The following TFB1M variants were observed in gnomAD, a reference collection of about 807,000 sequenced individuals.
The protein encoded by TFB1M is transcription factor B1, mitochondrial.
A neutral mutation model predicts 31.1 loss-of-function variants in TFB1M; 27 were observed. That is an observed-to-expected ratio of 0.87 (90% CI 0.64 to 1.20). The LOEUF (loss-of-function observed/expected upper bound fraction) is 1.20. TFB1M is among the 50% of genes most tolerant of loss of function. The pLI is 0.00. For missense variants in TFB1M, 394 were observed against 418.7 expected (o/e 0.94, Z 0.51); for synonymous variants, 166 against 151.8 (o/e 1.09, Z -0.69).
At position 155,311,329 on chromosome 6, in the gene TFB1M, T is replaced by C. The variant is rs1163068909; in HGVS notation, c.144A>G (p.Val48=). ...LLDLRLTDKI[V]RKAGNLTNAY... is the part of the protein sequence containing the mutation. ...CATTTGTCAGATTGCCAGCTTTCCTTACAATCTTATCTAGAGGAAAAAGAG... is the reference window on the plus strand; with the variant it reads ...CATTTGTCAGATTGCCAGCTTTCCTCACAATCTTATCTAGAGGAAAAAGAG... The change falls in exon 2 of 7, where the codon GTA becomes GTG. Residue 48 remains valine, a synonymous_variant. Transcript: ENST00000367166. The C allele has an allele frequency of 3.7e-6, 6 of 1,613,772 alleles. No individual in the cohort carries two copies. Among genetic ancestry groups the C allele is most frequent in the Non-Finnish European group, 5.1e-6 (6 of 1,179,774 alleles).
intron 2 of TFB1M, among the ~76,000 whole-genome samples, chr6:155,306,957 A>C (rs939272642): frequency 3.3e-5 from 5 of 152,078 alleles, no homozygotes; most frequent in Admixed American, 6.5e-5. Context: ...CCATTTCTAC[A>C]AAAAAATACA....
chr6:155,305,548 AATATATATTAAATTATATATTTAT>A (rs1562425608), intron 2 of TFB1M, among the ~76,000 whole-genome samples: 3 of 50,584 alleles, frequency 5.9e-5, no homozygotes, highest in Non-Finnish European at 9.0e-5. Flanking sequence ...TATATATATA[AATATATATTAAATTATATATTTAT>A]ATATATATTA....
intron 4 of TFB1M, among the ~76,000 whole-genome samples, chr6:155,288,341 C>A (rs890409320): frequency 6.6e-6 from 1 of 152,104 alleles, no homozygotes; most frequent in Non-Finnish European, 1.5e-5. Flanking sequence ...AAAATATAAT[C>A]TTTCTTACTA....
At chr6:155,311,849 C>T (rs1020537967) in intron 1 of TFB1M, among the ~76,000 whole-genome samples, 2 of 151,950 alleles carry the variant, frequency 1.3e-5, no homozygotes, top group African/African-American at 4.8e-5. Context: ...ATGGCAATGG[C>T]AATAAGTTCT....
At chr6:155,240,794 G>GC in the TFB1M span, 475 of 1,405,178 alleles carry the variant, frequency 3.4e-4, no homozygotes, top group Non-Finnish European at 4.4e-4. Flanking sequence ...GATCACCTCT[G>GC]CCCAGGACAC....
chr6:155,284,251 A>C (rs981136210), intron 5 of TFB1M, among the ~76,000 whole-genome samples: 27 of 152,236 alleles, frequency 1.8e-4, no homozygotes, highest in Admixed American at 9.8e-4. Context: ...TCTCCATTCT[A>C]AATCTAGAAT....
At chr6:155,275,796 T>A in intron 5 of TFB1M, 1 of 1,614,164 alleles carries the variant, frequency 6.2e-7, no homozygotes, top group Non-Finnish European at 8.5e-7. Flanking sequence ...ACAGCCACTC[T>A]GCTGCCCAAC....
intron 4 of TFB1M, among the ~76,000 whole-genome samples, chr6:155,286,295 CTA>C (rs957924658): frequency 6.6e-6 from 1 of 151,838 alleles, no homozygotes; most frequent in Admixed American, 6.6e-5. Context: ...AAGCAAATAT[CTA>C]TGACTTCCAT....
rs1784155986 is a variant in TFB1M, at chr6:155,257,653, TTGTAC to T, written c.*178_*182del. The stretch of plus-strand genomic sequence containing the variant: ...TATACAGTATATATTAAAAGAAAGC[TTGTAC>T]TGTATCTTATTTGATGATATTTATT... On this transcript the variant is annotated 3_prime_UTR_variant, in exon 7 of 7. Transcript: ENST00000367166. 1 of 645,584 alleles carries T rather than the reference TTGTAC, an allele frequency of 1.5e-6. No individual in the cohort carries two copies. The highest frequency in any genetic ancestry group is 1.9e-5 in the South Asian group (1 of 51,458). 40.0% of individuals were successfully genotyped at this position (645,584 alleles called of 1,614,324 possible).
chr6:155,304,088 C>T (rs947567725), intron 2 of TFB1M, among the ~76,000 whole-genome samples: 6 of 152,020 alleles, frequency 3.9e-5, no homozygotes, highest in South Asian at 2.1e-4. Flanking sequence ...CGAGACCAGC[C>T]TGGACAACAT....
chr6:155,247,876 T>C, the TFB1M span: 17 of 1,269,374 alleles, frequency 1.3e-5, no homozygotes, highest in Non-Finnish European at 1.5e-5. Context: ...GTGTTGGGGT[T>C]TTCATTAAAG....
intron 6 of TFB1M, among the ~76,000 whole-genome samples, chr6:155,258,413 CTCA>C (rs1197384307): frequency 6.6e-6 from 1 of 152,260 alleles, no homozygotes; most frequent in African/African-American, 2.4e-5. Context: ...CTTGATGTGC[CTCA>C]TGTTTCAATG....
chr6:155,282,901 G>C (rs1000152588), intron 5 of TFB1M, among the ~76,000 whole-genome samples: 1 of 151,848 alleles, frequency 6.6e-6, no homozygotes, highest in South Asian at 2.1e-4. Context: ...CTAATTTTTT[G>C]TATTTTTAGT....
chr6:155,289,659 C>T (rs1941597637), intron 4 of TFB1M, among the ~76,000 whole-genome samples: 1 of 152,130 alleles, frequency 6.6e-6, no homozygotes, highest in South Asian at 2.1e-4. Flanking sequence ...AAAGAGCTTC[C>T]TGTGGCTAAA....
chr6:155,261,432 G>T (rs997710264), intron 5 of TFB1M, among the ~76,000 whole-genome samples: 6 of 152,180 alleles, frequency 3.9e-5, no homozygotes, highest in Admixed American at 1.3e-4. Flanking sequence ...TCTCCTAAGA[G>T]GACTTGCTTC....
At chr6:155,253,155 T>C (rs977696523), downstream of TFB1M, 67 of 972,266 alleles carry the variant, frequency 6.9e-5, no homozygotes, top group Admixed American at 1.1e-4. Flanking sequence ...TTGGTGCCTT[T>C]TATTTTATAG....
chr6:155,245,844 G>C, the TFB1M span: 1 of 691,306 alleles, frequency 1.4e-6, no homozygotes, highest in Non-Finnish European at 2.3e-6. Context: ...GATGTATTAA[G>C]GTCCATCCTT....
Position 155,297,021 on chromosome 6 carries a change from A to C in TFB1M, c.478T>G (p.Cys160Gly). The C allele has an allele frequency of 6.2e-7, 1 of 1,613,954 alleles. No homozygotes were observed. The highest frequency in any genetic ancestry group is 8.5e-7 in the Non-Finnish European group (1 of 1,179,912). The stretch of plus-strand genomic sequence containing the variant: ...CCATAAACAAAAGGTCCATCTCTAC[A>C]GGAAATATTTTCAAGCCACTTGATA... The part of the protein sequence containing the change: ...LIIKWLENIS[C>G]RDGPFVYGRT... The change falls in exon 4 of 7, where the codon TGT (cysteine) becomes GGT (glycine). Residue 160 changes from cysteine to glycine, a missense_variant. Transcript: ENST00000367166.
intron 4 of TFB1M, among the ~76,000 whole-genome samples, chr6:155,294,677 G>A (rs916759772): frequency 1.3e-5 from 2 of 152,140 alleles, no homozygotes; most frequent in African/African-American, 4.8e-5. Flanking sequence ...GCAAGAATAT[G>A]GAGCAAAATG....
Sources: gnomAD v4.1 joint callset for allele counts (sites outside exome capture counted in the v4.1 genomes callset) on GRCh38, gnomAD v4.1.1 for gene constraint, MANE v1.5 for transcripts, NCBI Gene and HGNC (gene_info 2026-07-23, HGNC 2026-07-21) for gene names.